Variants in UTY observed in about 807,000 individuals in gnomAD.
UTY encodes the protein histone demethylase UTY.
Under a neutral mutation model 32.5 loss-of-function variants are expected in UTY, and 12 were observed. The ratio of observed to expected loss-of-function variants is 0.37; its 90% confidence interval spans 0.24 to 0.60. The LOEUF is 0.60. Ranked by LOEUF, UTY falls within the 20% of genes least tolerant of loss-of-function variation. UTY has a pLI of 0.69. For missense variants in UTY, 303 were observed against 299.2 expected, an observed-to-expected ratio of 1.01 and a Z score of -0.09; for synonymous variants, 131 against 103.4, an observed-to-expected ratio of 1.27 and a Z score of -1.62.
intron 3 of UTY, 67 bp downstream of exon 3, chrY:13,470,054 G>GA: frequency 4.4e-6 from 1 of 229,062 alleles, no homozygotes; most frequent in Non-Finnish European, 6.4e-6. Context: ...CCTGAAGAAG[G>GA]AAAAAACGTT....
intron 6 of UTY, among the ~76,000 whole-genome samples, chrY:13,410,378 A>C (rs772490287): frequency 3.0e-5 from 1 of 33,457 alleles, no homozygotes; most frequent in South Asian, 6.5e-4. Flanking sequence ...GGAAAACAAA[A>C]TAGCTTCACA....
At chrY:13,385,104 C>T (rs760519056) in intron 8 of UTY, among the ~76,000 whole-genome samples, 1 of 33,740 alleles carries the variant, frequency 3.0e-5, no homozygotes, top group East Asian at 7.8e-4. Context: ...CTTGGCCTCC[C>T]AAAATATTGA....
intron 8 of UTY, chrY:13,393,132 C>T: frequency 6.0e-5 from 2 of 33,276 alleles, no homozygotes; most frequent in African/African-American, 2.3e-4. Flanking sequence ...AGCCACCATG[C>T]CCAACATGGT....
chrY:13,377,424 C>T, intron 8 of UTY, among the ~76,000 whole-genome samples: 3 of 33,584 alleles, frequency 8.9e-5, no homozygotes, highest in Non-Finnish European at 2.2e-4. Context: ...ATTCAAAAGG[C>T]TGAGCAGGCT....
rs764614477 is a variant in UTY at position 13,479,321 on chromosome Y, TAG to T, written c.153-6_153-5del. 14 of 395,541 alleles carry T rather than the reference TAG, an allele frequency of 3.5e-5. No homozygotes were observed. The African/African-American group carries it at 6.5e-4, about 18-fold the overall frequency. Reference sequence around the variant, plus strand: ...CCTCACGAACCCGAAGAGACGGCTGTAGAGAGAGAGACACAGAGCTTGTTAAT... The same window carrying T: ...CCTCACGAACCCGAAGAGACGGCTGTAGAGAGAGACACAGAGCTTGTTAAT... On this transcript the variant is annotated splice_polypyrimidine_tract_variant and splice_region_variant and intron_variant, in intron 1 of 29. Coordinates refer to ENST00000545955, the MANE Select transcript of UTY (RefSeq NM_001258249.2).
intron 5 of UTY, among the ~76,000 whole-genome samples, chrY:13,413,649 G>A (rs2071269726): frequency 8.6e-5 from 3 of 34,918 alleles, no homozygotes; most frequent in African/African-American, 3.3e-4. Context: ...GCGCCACAGC[G>A]TTCCCGTAGT....
intron 9 of UTY, among the ~76,000 whole-genome samples, chrY:13,367,340 GA>G (rs2064299602): frequency 3.0e-5 from 1 of 32,962 alleles, no homozygotes; most frequent in African/African-American, 1.2e-4. Context: ...AGGCTATATG[GA>G]AAAAGCAAAA....
intron 8 of UTY, among the ~76,000 whole-genome samples, chrY:13,383,674 A>G: frequency 3.0e-5 from 1 of 32,997 alleles, no homozygotes; most frequent in Admixed American, 2.8e-4. Context: ...ATTAAGCAAT[A>G]AAAATTAGAA....
At chrY:13,381,469 A>G in intron 8 of UTY, among the ~76,000 whole-genome samples, 1 of 34,181 alleles carries the variant, frequency 2.9e-5, no homozygotes, top group Admixed American at 2.6e-4. Context: ...GGCTGCAGTG[A>G]GCAGAGATCA....
chrY:13,314,082 T>G lies in UTY; in HGVS notation c.3277-7832A>C. 1.2e-4 allele frequency among the ~76,000 whole-genome samples: 4 copies of G among 33,322 alleles called. No individual in the cohort carries two copies. In the East Asian group the frequency reaches 3.1e-3, roughly 26 times the overall value. 89.4% of individuals were successfully genotyped at this position (33,322 alleles called of 37,273 possible). A position where few individuals can be genotyped will look rare whatever the true frequency, so the allele number is the denominator to read the frequency against. On this transcript the variant is annotated intron_variant, in intron 21 of 29. Coordinates refer to ENST00000545955, the MANE Select transcript of UTY (RefSeq NM_001258249.2). ...AAAAACTACTTATTGTGGGGTACTA[T>G]GTTCACCTCCTGGGAGTATTAAACC...
intron 4 of UTY, among the ~76,000 whole-genome samples, chrY:13,428,036 T>G: frequency 3.0e-5 from 1 of 33,404 alleles, no homozygotes; most frequent in African/African-American, 1.2e-4. Flanking sequence ...TCATACCCTT[T>G]GCCCAAATTT....
At chrY:13,413,664 T>C in intron 5 of UTY, among the ~76,000 whole-genome samples, 1 of 35,077 alleles carries the variant, frequency 2.9e-5, no homozygotes, top group East Asian at 7.7e-4. Flanking sequence ...CGTAGTCCAG[T>C]TGCCAGCACC....
intron 27 of UTY, among the ~76,000 whole-genome samples, chrY:13,277,427 G>C (rs1014190175): frequency 3.0e-5 from 1 of 33,511 alleles, no homozygotes; most frequent in Non-Finnish European, 7.4e-5. Flanking sequence ...TTCATCAGAA[G>C]CAAAACTCAG....
intron 8 of UTY, among the ~76,000 whole-genome samples, chrY:13,382,528 G>A: frequency 2.9e-5 from 1 of 34,028 alleles, no homozygotes; most frequent in Non-Finnish European, 7.3e-5. Flanking sequence ...GTTTTTGGAA[G>A]TGTAGCCTGC....
At chrY:13,260,767 T>C in intron 27 of UTY, among the ~76,000 whole-genome samples, 1 of 33,125 alleles carries the variant, frequency 3.0e-5, no homozygotes, top group Non-Finnish European at 7.5e-5. Flanking sequence ...TTTATGATTA[T>C]AGAAAGGCAA....
chrY:13,256,992 A>G (rs2054796898), intron 28 of UTY, among the ~76,000 whole-genome samples: 1 of 34,200 alleles, frequency 2.9e-5, no homozygotes, highest in Non-Finnish European at 7.3e-5. Flanking sequence ...AAACACAGAT[A>G]CAGCATTACC....
chrY:13,278,234 G>C, intron 27 of UTY, among the ~76,000 whole-genome samples: 2 of 33,681 alleles, frequency 5.9e-5, no homozygotes, highest in Admixed American at 2.7e-4. Flanking sequence ...TGAAGTATCA[G>C]CCATACCTTG....
At chrY:13,464,530 G>C in intron 3 of UTY, among the ~76,000 whole-genome samples, 1 of 32,938 alleles carries the variant, frequency 3.0e-5, no homozygotes, top group Admixed American at 2.8e-4. Context: ...CCAGCACTCT[G>C]AGAGGCCAAA....
chrY:13,302,153 A>G (rs561527174), intron 25 of UTY, among the ~76,000 whole-genome samples: 22 of 33,307 alleles, frequency 6.6e-4, no homozygotes, highest in African/African-American at 2.6e-3. Context: ...TTTTTCCACT[A>G]ATATCTTTAC....
Sources: allele counts gnomAD v4.1 joint callset (sites outside exome capture counted in the v4.1 genomes callset), GRCh38; gene constraint gnomAD v4.1.1; transcripts MANE v1.5; gene names NCBI Gene and HGNC (gene_info 2026-07-23, HGNC 2026-07-21).